The following PRUNE2 variants were observed in gnomAD, a reference collection of about 807,000 sequenced individuals.
PRUNE2 encodes protein prune homolog 2.
A neutral mutation model predicts 252.0 loss-of-function variants in PRUNE2; 164 were observed. That is an observed-to-expected ratio of 0.65 (90% CI 0.57 to 0.74). PRUNE2 has a LOEUF of 0.74. Among genes scored for constraint, PRUNE2 ranks in the 30% least tolerant of loss-of-function variants. The pLI, the probability that PRUNE2 is intolerant of heterozygous loss-of-function variation, is 0.00. For missense variants in PRUNE2, 3,495 were observed against 3,711.0 expected (o/e 0.94, Z 1.51); for synonymous variants, 1,292 against 1,350.2 (o/e 0.96, Z 0.94).
chr9:76,652,175 C>T lies in PRUNE2; in HGVS notation c.8557+308G>A, dbSNP rs983542391. The T allele has an allele frequency of 6.3e-5, 15 of 238,126 alleles. No homozygotes were observed. In the Admixed American group the frequency reaches 6.5e-4, roughly 10 times the overall value. 14.8% of individuals were successfully genotyped at this position (238,126 alleles called of 1,614,324 possible). Reference sequence around the variant, plus strand: ...TTATCGTCCTGATTAAATTCTCTTCCCCTGCAAACCCAGCCCCAGGTTTCT... The same window carrying T: ...TTATCGTCCTGATTAAATTCTCTTCTCCTGCAAACCCAGCCCCAGGTTTCT... On this transcript the variant is annotated intron_variant, in intron 11 of 18. Transcript: ENST00000376718.
At position 76,713,660 on chromosome 9, in the gene PRUNE2, A is replaced by C. The variant is rs2046914170; in HGVS notation, c.818T>G (p.Phe273Cys). 6.2e-7 allele frequency: 1 copy of C among 1,601,742 alleles called. No individual in the cohort carries two copies. Among genetic ancestry groups the C allele is most frequent in the Admixed American group, 1.7e-5 (1 of 58,100 alleles). The part of the protein sequence containing the change: ...DLKAFTDKFG[F>C]DVLILFSSYL... ...GCTGGAGAACAGGATGAGGACATCA[A>C]AACCAAACTTGTCTGTAAATGCTTT... Residue 273 changes from phenylalanine (F) to cysteine (C), a missense_variant, in exon 7 of 19, where the codon TTT (phenylalanine) becomes TGT (cysteine). Transcript: ENST00000376718.
intron 1 of PRUNE2, among the ~76,000 whole-genome samples, chr9:76,900,170 C>T (rs1434921457): frequency 5.3e-5 from 8 of 152,142 alleles, no homozygotes; most frequent in Admixed American, 2.0e-4. Context: ...CAGAAGAGGA[C>T]GGGCTTGGAG....
At position 76,753,779 on chromosome 9, in the gene PRUNE2, G is replaced by A. The variant is rs1010121124; in HGVS notation, c.757-40058C>T. On this transcript the variant is annotated intron_variant, in intron 6 of 18. Coordinates refer to ENST00000376718, the MANE Select transcript of PRUNE2 (RefSeq NM_015225.3). ...AGAAATACAAAAAAATTAGCTGGGCGTGGTGGCGGGCACCTGTAGTCCCAG... is the reference window on the plus strand; with the variant it reads ...AGAAATACAAAAAAATTAGCTGGGCATGGTGGCGGGCACCTGTAGTCCCAG... Among the ~76,000 whole-genome samples the A allele has an allele frequency of 4.1e-4, 63 of 152,102 alleles. 1 individual carries two copies. The highest frequency in any genetic ancestry group is 2.8e-3 in the Admixed American group (42 of 15,266).
chr9:76,840,906 G>C (rs895229928), intron 4 of PRUNE2, among the ~76,000 whole-genome samples: 3 of 151,966 alleles, frequency 2.0e-5, no homozygotes, highest in African/African-American at 7.3e-5. Flanking sequence ...GCTTGAACCC[G>C]AGAGGCGGAG....
At chr9:76,791,128 G>T (rs1284227346) in intron 6 of PRUNE2, among the ~76,000 whole-genome samples, 1 of 152,218 alleles carries the variant, frequency 6.6e-6, no homozygotes, top group African/African-American at 2.4e-5. Context: ...TTTCAGCTAT[G>T]TGATGAGTAA....
chr9:76,838,645 C>CAAAAAAAA (rs10540002), intron 4 of PRUNE2, among the ~76,000 whole-genome samples: 65 of 84,648 alleles, frequency 7.7e-4, no homozygotes, highest in Non-Finnish European at 1.2e-3. Flanking sequence ...AACTCTGTCT[C>CAAAAAAAA]AAAAAAAAAA....
chr9:76,836,916 T>C (rs1251234491), intron 4 of PRUNE2, among the ~76,000 whole-genome samples: 1 of 152,212 alleles, frequency 6.6e-6, no homozygotes, highest in Non-Finnish European at 1.5e-5. Context: ...ATACAAATGA[T>C]CTTTTTAACG....
At chr9:76,676,850 A>G (rs1802341183) in intron 9 of PRUNE2, among the ~76,000 whole-genome samples, 1 of 152,240 alleles carries the variant, frequency 6.6e-6, no homozygotes, top group Admixed American at 6.5e-5. Context: ...GAAATAGCGA[A>G]GCACATGAGC....
At chr9:76,819,362 T>C (rs1167951592) in intron 6 of PRUNE2, 7 of 152,168 alleles carry the variant, frequency 4.6e-5, no homozygotes, top group African/African-American at 7.2e-5. Flanking sequence ...GGGAAGGTGA[T>C]GTGAAGATGA....
chr9:76,808,247 T>A (rs1356633319), intron 6 of PRUNE2, among the ~76,000 whole-genome samples: 1 of 152,224 alleles, frequency 6.6e-6, no homozygotes, highest in East Asian at 1.9e-4. Flanking sequence ...TCTAACTTGA[T>A]GAAAGGTATG....
intron 9 of PRUNE2, among the ~76,000 whole-genome samples, chr9:76,681,911 A>T (rs2043482951): frequency 6.6e-6 from 1 of 152,212 alleles, no homozygotes; most frequent in Admixed American, 6.5e-5. Flanking sequence ...TTAAAGACAC[A>T]ATGTCACCTT....
chr9:76,774,457 T>TAG (rs756648285), intron 6 of PRUNE2, among the ~76,000 whole-genome samples: 1 of 73,556 alleles, frequency 1.4e-5, no homozygotes, highest in African/African-American at 5.9e-5. Flanking sequence ...ACCCTTTTTT[T>TAG]TTTTTTTTTT....
At chr9:76,731,062 T>A (rs190511395) in intron 6 of PRUNE2, among the ~76,000 whole-genome samples, 211 of 152,256 alleles carry the variant, frequency 1.4e-3, no homozygotes, top group African/African-American at 4.6e-3. Context: ...ACACTGAGAA[T>A]ATGGCAACAG....
intron 9 of PRUNE2, among the ~76,000 whole-genome samples, chr9:76,668,915 AG>A (rs2040757721): frequency 6.6e-6 from 1 of 150,470 alleles, no homozygotes; most frequent in Non-Finnish European, 1.5e-5. Flanking sequence ...AGATGTCATC[AG>A]GGTTGGTTTC....
chr9:76,739,585 T>C (rs1301111817), intron 6 of PRUNE2: 10 of 151,992 alleles, frequency 6.6e-5, no homozygotes, highest in Non-Finnish European at 1.5e-5. Context: ...TTATAATGTA[T>C]ACTATGAATC....
rs184775579 is a variant in PRUNE2 at position 76,905,858 on chromosome 9, C to T, written c.36+70G>A. On this transcript the variant is annotated intron_variant, in intron 1 of 18. Transcript: ENST00000376718. The stretch of plus-strand genomic sequence containing the variant: ...TGTTTCTTCCTCCTCTGCTGCAACA[C>T]CTTTTCCTCTCCACCTTTCCATTAG... The T allele has an allele frequency of 1.1e-4, 174 of 1,594,632 alleles. No individual in the cohort carries two copies. The African/African-American group carries it at 2.0e-3, about 18-fold the overall frequency.
chr9:76,801,957 C>T (rs2056588280), intron 6 of PRUNE2, among the ~76,000 whole-genome samples: 1 of 152,134 alleles, frequency 6.6e-6, no homozygotes, highest in African/African-American at 2.4e-5. Flanking sequence ...AACCATATGG[C>T]TACCTCGTAG....
rs111789905 is a variant in PRUNE2, at chr9:76,803,282, C to T, written c.756+20350G>A. ...TCTAACAGAAGCATTTACAAAGACGCAAATACCTAGCATGGAAGAATGTGT... is the reference window on the plus strand; with the variant it reads ...TCTAACAGAAGCATTTACAAAGACGTAAATACCTAGCATGGAAGAATGTGT... On this transcript the variant is annotated intron_variant, in intron 6 of 18. Transcript: ENST00000376718. Among the ~76,000 whole-genome samples, 530 of 152,268 alleles carry T rather than the reference C, an allele frequency of 3.5e-3. 4 individuals carry two copies. Among genetic ancestry groups the T allele is most frequent in the African/African-American group, 0.012 (508 of 41,550 alleles).
Position 76,704,086 on chromosome 9 carries a change from T to G in PRUNE2, c.7527A>C (p.Glu2509Asp). Reference protein sequence around the residue: ...DIGPPNGASKEISELEEEKTI... With the variant: ...DIGPPNGASKDISELEEEKTI... ...TTTTTTCTTCTTCCAATTCTGATAT[T>G]TCCTTGCTGGCACCTAGAAGTGGAA... Residue 2509 changes from glutamate to aspartate, a missense_variant, in exon 9 of 19, where the codon GAA becomes GAC. Coordinates refer to ENST00000376718, the MANE Select transcript of PRUNE2 (RefSeq NM_015225.3). 1 of 1,586,428 alleles carries G rather than the reference T, an allele frequency of 6.3e-7. No homozygotes were observed. The highest frequency in any genetic ancestry group is 8.6e-7 in the Non-Finnish European group (1 of 1,168,092).
Sources: allele counts gnomAD v4.1 joint callset (sites outside exome capture counted in the v4.1 genomes callset), GRCh38; gene constraint gnomAD v4.1.1; transcripts MANE v1.5; gene names NCBI Gene and HGNC (gene_info 2026-07-23, HGNC 2026-07-21).